The following KLRF1 variants were observed in gnomAD, a reference collection of about 807,000 sequenced individuals.
The protein encoded by KLRF1 is killer cell lectin-like receptor subfamily F member 1.
A neutral mutation model predicts 30.7 loss-of-function variants in KLRF1; 27 were observed. That is an observed-to-expected ratio of 0.88 (90% CI 0.65 to 1.21). The LOEUF (loss-of-function observed/expected upper bound fraction) is 1.21. Ranked by LOEUF, KLRF1 falls within the 50% of genes most tolerant of loss-of-function variation. KLRF1 has a pLI of 0.00. For missense variants in KLRF1, 246 were observed against 259.3 expected (o/e 0.95, Z 0.35); for synonymous variants, 92 against 89.3 (o/e 1.03, Z -0.17).
upstream of KLRF1, among the ~76,000 whole-genome samples, chr12:9,824,270 C>T (rs114957527): frequency 0.013 from 2,044 of 152,228 alleles, 23 homozygotes; most frequent in African/African-American, 0.024. Context: ...AGCTAATTCA[C>T]CATGATCAAG....
At chr12:9,809,852 A>G in the KLRF1 span, among the ~76,000 whole-genome samples, 3 of 152,128 alleles carry the variant, frequency 2.0e-5, no homozygotes, top group Admixed American at 2.0e-4. Flanking sequence ...ATGTAAAACT[A>G]CTGTTTTGAA....
chr12:9,820,022 G>C, the KLRF1 span, among the ~76,000 whole-genome samples: 1 of 152,020 alleles, frequency 6.6e-6, no homozygotes, highest in South Asian at 2.1e-4. Flanking sequence ...GGGCTGGTTG[G>C]ACCCTCAACA....
intron 3 of KLRF1, among the ~76,000 whole-genome samples, chr12:9,840,381 A>G (rs911772656): frequency 2.0e-5 from 3 of 152,130 alleles, no homozygotes; most frequent in African/African-American, 4.8e-5. Flanking sequence ...AAAAATAAAT[A>G]AAAAGAGACA....
chr12:9,821,458 G>C, the KLRF1 span, among the ~76,000 whole-genome samples: 1 of 152,096 alleles, frequency 6.6e-6, no homozygotes. Flanking sequence ...ATCTCCCACA[G>C]GTCCTGCACA....
chr12:9,828,092 T>C (rs1055405875), intron 1 of KLRF1, among the ~76,000 whole-genome samples: 3 of 152,178 alleles, frequency 2.0e-5, no homozygotes, highest in African/African-American at 7.2e-5. Flanking sequence ...CTATTTTTTT[T>C]TTTTGAGACG....
At chr12:9,818,979 A>T in the KLRF1 span, among the ~76,000 whole-genome samples, 1 of 152,182 alleles carries the variant, frequency 6.6e-6, no homozygotes, top group East Asian at 1.9e-4. Context: ...GCAAGGCAGG[A>T]CGACTGCCCA....
chr12:9,820,796 T>C, the KLRF1 span, among the ~76,000 whole-genome samples: 1,777 of 152,274 alleles, frequency 0.012, 38 homozygotes, highest in African/African-American at 0.041. Context: ...TGCTGCCTAA[T>C]GGCCGTTGGG....
At chr12:9,826,869 T>C (rs748068479), upstream of KLRF1, among the ~76,000 whole-genome samples, 149 of 152,128 alleles carry the variant, frequency 9.8e-4, no homozygotes, top group Admixed American at 2.3e-3. Context: ...GGAGCCTACT[T>C]GAAGGTGGAG....
At chr12:9,804,133 G>C in the KLRF1 span, among the ~76,000 whole-genome samples, 1 of 151,774 alleles carries the variant, frequency 6.6e-6, no homozygotes, top group African/African-American at 2.4e-5. Flanking sequence ...ATCCTAGTGG[G>C]CATGAAATGA....
upstream of KLRF1, among the ~76,000 whole-genome samples, chr12:9,826,419 T>C (rs1241801325): frequency 6.6e-6 from 1 of 152,226 alleles, no homozygotes; most frequent in Non-Finnish European, 1.5e-5. Flanking sequence ...GGTTCACTTA[T>C]ACACCTTTGA....
the KLRF1 span, among the ~76,000 whole-genome samples, chr12:9,813,020 G>A: frequency 6.6e-6 from 1 of 152,214 alleles, no homozygotes; most frequent in African/African-American, 2.4e-5. Flanking sequence ...CACAGAGTGG[G>A]TGGTCAGCCA....
At chr12:9,838,984 A>G (rs73046739) in intron 3 of KLRF1, among the ~76,000 whole-genome samples, 18,385 of 152,066 alleles carry the variant, frequency 0.12, 1,506 homozygotes, top group African/African-American at 0.23. Context: ...TTTAATTCCC[A>G]AATGTGATGG....
At chr12:9,841,393 C>G (rs4764022) in intron 3 of KLRF1, among the ~76,000 whole-genome samples, 18,323 of 151,948 alleles carry the variant, frequency 0.12, 1,493 homozygotes, top group African/African-American at 0.23. Flanking sequence ...GAAATAATCT[C>G]TACATCAAAC....
At chr12:9,800,397 A>G in the KLRF1 span, among the ~76,000 whole-genome samples, 59 of 152,040 alleles carry the variant, frequency 3.9e-4, no homozygotes, top group Non-Finnish European at 8.1e-4. Flanking sequence ...AGATTTTATT[A>G]CACTCATCAA....
chr12:9,837,939 T>C (rs1867616462), intron 3 of KLRF1, among the ~76,000 whole-genome samples: 1 of 152,126 alleles, frequency 6.6e-6, no homozygotes, highest in African/African-American at 2.4e-5. Flanking sequence ...ACAAACCACC[T>C]ACAGCCAGGC....
At chr12:9,830,579 C>T (rs192577192) in intron 1 of KLRF1, among the ~76,000 whole-genome samples, 128 of 152,010 alleles carry the variant, frequency 8.4e-4, no homozygotes, top group Non-Finnish European at 1.4e-3. Context: ...CTATTAATTT[C>T]TGTTTTTTAA....
In KLRF1 at chr12:9,842,302, T is replaced by G; in HGVS notation, c.475-19T>G. On this transcript the variant is annotated intron_variant, in intron 4 of 5. Transcript: ENST00000617889. ...TTGCTAAAATATTTTGTTCATTTAG[T>G]CCCTCGTCCACATTTTAGGCTTTTA... 6.2e-7 allele frequency: 1 copy of G among 1,607,672 alleles called. No homozygotes were observed. The highest frequency in any genetic ancestry group is 8.5e-7 in the Non-Finnish European group (1 of 1,177,148).
At chr12:9,805,243 C>G in the KLRF1 span, among the ~76,000 whole-genome samples, 1 of 151,736 alleles carries the variant, frequency 6.6e-6, no homozygotes, top group African/African-American at 2.4e-5. Context: ...GCTCAGAAGC[C>G]CAAAATCAAG....
At chr12:9,817,725 A>G in the KLRF1 span, 4 of 213,688 alleles carry the variant, frequency 1.9e-5, no homozygotes, top group East Asian at 6.5e-4. Flanking sequence ...TCTTTTCCTC[A>G]GTCACCCCAT....
Sources: gnomAD v4.1 joint callset for allele counts (sites outside exome capture counted in the v4.1 genomes callset) on GRCh38, gnomAD v4.1.1 for gene constraint, MANE v1.5 for transcripts, NCBI Gene and HGNC (gene_info 2026-07-23, HGNC 2026-07-21) for gene names.